Variants in TRPC4 observed in about 807,000 individuals in gnomAD.
The protein encoded by TRPC4 is short transient receptor potential channel 4.
In TRPC4, 49 loss-of-function variants were observed where a neutral mutation model predicts 99.4. The ratio of observed to expected loss-of-function variants is 0.49; its 90% confidence interval spans 0.39 to 0.63. TRPC4 has a LOEUF of 0.63. Among genes scored for constraint, TRPC4 ranks in the 20% least tolerant of loss-of-function variants. The pLI, the probability that TRPC4 is intolerant of heterozygous loss-of-function variation, is 0.00. For synonymous variants in TRPC4, 454 were observed against 425.9 expected, an observed-to-expected ratio of 1.07 and a Z score of -0.81; for missense variants, 898 against 1,152.9, an observed-to-expected ratio of 0.78 and a Z score of 3.20.
intron 2 of TRPC4, among the ~76,000 whole-genome samples, chr13:37,754,848 C>T: frequency 6.6e-6 from 1 of 152,044 alleles, no homozygotes; most frequent in East Asian, 1.9e-4. Flanking sequence ...TACAAGCAAC[C>T]ATTAACTTAT....
chr13:37,750,148 C>CT (rs2139184375), intron 2 of TRPC4, among the ~76,000 whole-genome samples: 1 of 14,338 alleles, frequency 7.0e-5, no homozygotes, highest in Non-Finnish European at 1.1e-3. Context: ...GAAATATATT[C>CT]CTTTGTTAGT....
intron 1 of TRPC4, among the ~76,000 whole-genome samples, chr13:37,848,934 A>C (rs1425741899): frequency 6.6e-6 from 1 of 152,198 alleles, no homozygotes; most frequent in Non-Finnish European, 1.5e-5. Flanking sequence ...CTCTTCCTTC[A>C]AAACTATCTT....
intron 3 of TRPC4, among the ~76,000 whole-genome samples, chr13:37,710,937 A>G (rs1345462833): frequency 6.6e-6 from 1 of 151,942 alleles, no homozygotes; most frequent in African/African-American, 2.4e-5. Context: ...TATAATTTGT[A>G]ATTAGTTATT....
At chr13:37,856,639 A>G (rs1313585097) in intron 1 of TRPC4, among the ~76,000 whole-genome samples, 1 of 151,720 alleles carries the variant, frequency 6.6e-6, no homozygotes, top group East Asian at 1.9e-4. Context: ...CCAACAAAAT[A>G]TGAGCAAACT....
intron 1 of TRPC4, among the ~76,000 whole-genome samples, chr13:37,800,498 A>G (rs1957372846): frequency 6.6e-6 from 1 of 152,206 alleles, no homozygotes; most frequent in Non-Finnish European, 1.5e-5. Flanking sequence ...ATCTACTCCC[A>G]TAGTATGCAT....
chr13:37,779,462 G>A (rs1157488454), intron 2 of TRPC4, among the ~76,000 whole-genome samples: 1 of 150,198 alleles, frequency 6.7e-6, no homozygotes, highest in African/African-American at 2.4e-5. Context: ...CCTGATTTAT[G>A]AAGGACTACC....
rs746290774 is a variant in TRPC4, at chr13:37,692,167, C to G, written c.1066G>C (p.Gly356Arg). 6.2e-7 allele frequency: 1 copy of G among 1,613,992 alleles called. No homozygotes were observed. The change falls in exon 4 of 11, where the codon GGA becomes CGA. Residue 356 changes from glycine (G) to arginine (R), a missense_variant. By Grantham distance (125) the Gly-to-Arg change is moderately radical. Transcript: ENST00000379705. ...ATAAATGGCTTCCTGATGAACAGTCCAAGTGGGCTTTTGGGAGCTATCAGG... is the reference window on the plus strand; with the variant it reads ...ATAAATGGCTTCCTGATGAACAGTCGAAGTGGGCTTTTGGGAGCTATCAGG... ...CYLIAPKSPLGLFIRKPFIKF... is the reference protein window; with the variant it reads ...CYLIAPKSPLRLFIRKPFIKF...
At chr13:37,661,300 T>G (rs1023893178) in intron 6 of TRPC4, among the ~76,000 whole-genome samples, 1 of 152,210 alleles carries the variant, frequency 6.6e-6, no homozygotes, top group Non-Finnish European at 1.5e-5. Context: ...TATAATTAGT[T>G]TGTAATATGT....
At chr13:37,704,084 TA>T (rs1172610431) in intron 3 of TRPC4, among the ~76,000 whole-genome samples, 1 of 152,112 alleles carries the variant, frequency 6.6e-6, no homozygotes, top group Non-Finnish European at 1.5e-5. Context: ...TTTTTTAAAT[TA>T]TGCAGAATGA....
intron 2 of TRPC4, among the ~76,000 whole-genome samples, chr13:37,747,512 C>CA (rs202107377): frequency 0.021 from 3,148 of 147,314 alleles, 37 homozygotes; most frequent in South Asian, 0.081. Context: ...ACAGGCATGG[C>CA]AAAAAAAAAT....
chr13:37,829,405 A>G (rs1282370349), intron 1 of TRPC4, among the ~76,000 whole-genome samples: 1 of 152,236 alleles, frequency 6.6e-6, no homozygotes, highest in Non-Finnish European at 1.5e-5. Flanking sequence ...CAAAACCACA[A>G]TGAGATACCA....
chr13:37,861,126 A>G (rs931802451), intron 1 of TRPC4, among the ~76,000 whole-genome samples: 1 of 151,526 alleles, frequency 6.6e-6, no homozygotes, highest in African/African-American at 2.4e-5. Context: ...TCTTTTAAAA[A>G]ACTTCATTTA....
At chr13:37,812,062 C>G (rs575471178) in intron 1 of TRPC4, among the ~76,000 whole-genome samples, 1 of 149,290 alleles carries the variant, frequency 6.7e-6, no homozygotes, top group Non-Finnish European at 1.5e-5. Flanking sequence ...ACCTGTAGTC[C>G]CAACTACTTG....
At chr13:37,770,144 A>G (rs1191770327) in intron 2 of TRPC4, among the ~76,000 whole-genome samples, 1 of 151,482 alleles carries the variant, frequency 6.6e-6, no homozygotes, top group Non-Finnish European at 1.5e-5. Flanking sequence ...TTTATGATTG[A>G]GGCTAAAGTG....
At chr13:37,653,929 T>A (rs1168745486) in intron 7 of TRPC4, among the ~76,000 whole-genome samples, 2 of 152,038 alleles carry the variant, frequency 1.3e-5, no homozygotes, top group African/African-American at 4.8e-5. Context: ...AAATTTAGAG[T>A]CTATTTATAA....
intron 1 of TRPC4, among the ~76,000 whole-genome samples, chr13:37,817,272 A>C (rs1429926178): frequency 1.3e-5 from 2 of 152,080 alleles, no homozygotes; most frequent in Non-Finnish European, 2.9e-5. Context: ...CCCATTCACA[A>C]TTGCCACAAA....
intron 1 of TRPC4, among the ~76,000 whole-genome samples, chr13:37,813,125 G>C (rs1391197756): frequency 6.6e-6 from 1 of 151,670 alleles, no homozygotes; most frequent in Non-Finnish European, 1.5e-5. Flanking sequence ...GTCACAAATA[G>C]TTAGAAATTA....
chr13:37,865,171 A>T (rs960590400), intron 1 of TRPC4, among the ~76,000 whole-genome samples: 25 of 151,824 alleles, frequency 1.6e-4, no homozygotes, highest in African/African-American at 6.0e-4. Context: ...CATGAATGAG[A>T]GCTCCTCTCA....
intron 3 of TRPC4, among the ~76,000 whole-genome samples, chr13:37,703,616 A>C (rs980368575): frequency 2.0e-5 from 3 of 152,200 alleles, no homozygotes; most frequent in Non-Finnish European, 1.5e-5. Flanking sequence ...ATGCAAATCA[A>C]AGTCACAATG....
Sources: gnomAD v4.1 joint callset for allele counts (sites outside exome capture counted in the v4.1 genomes callset) on GRCh38, gnomAD v4.1.1 for gene constraint, MANE v1.5 for transcripts, NCBI Gene and HGNC (gene_info 2026-07-23, HGNC 2026-07-21) for gene names.